RYR2: variants seen among roughly 807,000 people sequenced by gnomAD.
RYR2 encodes the protein cardiac muscle ryanodine receptor-calcium release channel.
A neutral mutation model predicts 601.1 loss-of-function variants in RYR2; 227 were observed. That is an observed-to-expected ratio of 0.38 (90% CI 0.34 to 0.42). The LOEUF is 0.42. Ranked by LOEUF, RYR2 falls within the 10% of genes least tolerant of loss-of-function variation. RYR2 has a pLI of 1.00. For missense variants in RYR2, 4,646 were observed against 6,156.5 expected (o/e 0.75, Z 8.21); for synonymous variants, 2,223 against 2,175.1 (o/e 1.02, Z -0.61).
intron 98 of RYR2, among the ~76,000 whole-genome samples, chr1:237,805,580 CAAAAAAAAAA>C (rs772404939): frequency 2.7e-5 from 1 of 37,684 alleles, no homozygotes; most frequent in Non-Finnish European, 5.3e-5. Context: ...GACTCTGTCT[CAAAAAAAAAA>C]AAAAAAAAAA....
intron 1 of RYR2, among the ~76,000 whole-genome samples, chr1:237,262,603 A>T (rs1176397861): frequency 1.3e-5 from 2 of 152,144 alleles, no homozygotes; most frequent in African/African-American, 4.8e-5. Flanking sequence ...TCAATTCAAC[A>T]TATATTGACT....
At chr1:237,808,753 G>A (rs1431236881) in intron 99 of RYR2, 148 bp from the exon 100 acceptor site, 5 of 614,416 alleles carry the variant, frequency 8.1e-6, no homozygotes, top group Non-Finnish European at 1.4e-5. Flanking sequence ...AGGGGGCTAA[G>A]AAAGGTGAGA....
At chr1:237,377,482 C>A in intron 8 of RYR2, 47 bp downstream of exon 8, 1 of 1,387,724 alleles carries the variant, frequency 7.2e-7, no homozygotes, top group Non-Finnish European at 1.0e-6. Flanking sequence ...TGCTAAATGA[C>A]AAGTCAATAA....
chr1:237,610,783 G>A lies in RYR2; in HGVS notation c.4705G>A (p.Gly1569Arg). The change falls in exon 36 of 105, where the codon GGA (glycine) becomes AGA (arginine). Residue 1569 changes from glycine (G) to arginine (R), a missense_variant. Physicochemically the swap from Gly to Arg is moderately radical, Grantham distance 125. Coordinates refer to ENST00000366574, the MANE Select transcript of RYR2 (RefSeq NM_001035.3). The surrounding 1 kb of genome is among the most constrained non-coding windows in gnomAD (Gnocchi z 4.9). ...CTAGAATGTGATGCCTCTCTCGGCG[G>A]GATTATTCAAGAGTGAGCACAAGAA... ...RIKNVMPLSA[G>R]LFKSEHKNPV... 6.2e-7 allele frequency: 1 copy of A among 1,607,274 alleles called. No homozygotes were observed. The highest frequency in any genetic ancestry group is 8.5e-7 in the Non-Finnish European group (1 of 1,177,152).
intron 63 of RYR2, 101 bp from the exon 64 acceptor site, chr1:237,698,862 CTG>C (rs1195059522): frequency 6.4e-6 from 4 of 622,778 alleles, no homozygotes; most frequent in Non-Finnish European, 1.1e-5. Flanking sequence ...TAAAATATTA[CTG>C]TTGTGTCATT....
intron 44 of RYR2, among the ~76,000 whole-genome samples, chr1:237,636,278 C>T (rs1279192579): frequency 6.6e-6 from 1 of 151,898 alleles, no homozygotes; most frequent in African/African-American, 2.4e-5. Context: ...GTGGTTTTTC[C>T]TCTGTTGTTA....
intron 92 of RYR2, 31 bp from the exon 93 acceptor site, chr1:237,791,398 G>A (rs1184417748): frequency 2.6e-6 from 3 of 1,165,372 alleles, no homozygotes; most frequent in Non-Finnish European, 3.8e-6. Flanking sequence ...TGTTGATTCA[G>A]TGACCTTTTC....
chr1:237,054,954 C>T (rs576452492), intron 1 of RYR2, among the ~76,000 whole-genome samples: 123 of 152,274 alleles, frequency 8.1e-4, no homozygotes, highest in African/African-American at 2.9e-3. Flanking sequence ...GAGCCTCCTA[C>T]TCTAGATGGT....
chr1:237,729,448 C>G (rs1209456436), intron 76 of RYR2, among the ~76,000 whole-genome samples: 1 of 152,104 alleles, frequency 6.6e-6, no homozygotes, highest in African/African-American at 2.4e-5. Flanking sequence ...GCAGTTGCCC[C>G]CTCTGATTTC....
At chr1:237,091,616 G>T (rs1011249391) in intron 1 of RYR2, among the ~76,000 whole-genome samples, 1 of 152,122 alleles carries the variant, frequency 6.6e-6, no homozygotes, top group African/African-American at 2.4e-5. Flanking sequence ...GTAGAGACGG[G>T]GTTTCGCCAT....
chr1:237,208,978 A>ATAT (rs1682208074), intron 1 of RYR2, among the ~76,000 whole-genome samples: 1 of 88,728 alleles, frequency 1.1e-5, no homozygotes, highest in African/African-American at 4.1e-5. Context: ...ATATATATAT[A>ATAT]TATATATGTA....
At chr1:237,738,562 A>G (rs1259059357) in intron 79 of RYR2, among the ~76,000 whole-genome samples, 1 of 152,008 alleles carries the variant, frequency 6.6e-6, no homozygotes, top group East Asian at 1.9e-4. Context: ...TCATATATAT[A>G]TAATTTAAGT....
intron 47 of RYR2, among the ~76,000 whole-genome samples, chr1:237,641,467 GTCTGTCTTTCTTTCTTTCTTTCTT>G (rs61390294): frequency 0.026 from 3,084 of 117,242 alleles, 55 homozygotes; most frequent in African/African-American, 0.04. Context: ...ATTAGTGTCT[GTCTGTCTTTCTTTCTTTCTTTCTT>G]TCTTTCTTTC....
intron 17 of RYR2, among the ~76,000 whole-genome samples, chr1:237,485,642 A>G (rs138720561): frequency 3.9e-5 from 6 of 152,316 alleles, no homozygotes; most frequent in African/African-American, 9.6e-5. Context: ...GCAAGTTCCT[A>G]TAAGTTTCAA....
intron 63 of RYR2, among the ~76,000 whole-genome samples, chr1:237,688,184 T>A (rs1237575625): frequency 6.6e-6 from 1 of 152,240 alleles, no homozygotes; most frequent in African/African-American, 2.4e-5. Flanking sequence ...TGGTGGAATT[T>A]GTGTTTCACA....
intron 42 of RYR2, among the ~76,000 whole-genome samples, chr1:237,632,673 G>A (rs1440666018): frequency 6.6e-6 from 1 of 151,968 alleles, no homozygotes; most frequent in Non-Finnish European, 1.5e-5. Context: ...TGGGATTACA[G>A]GCGTGAGCCA....
At chr1:237,758,228 A>G (rs1693116958) in intron 82 of RYR2, among the ~76,000 whole-genome samples, 1 of 152,190 alleles carries the variant, frequency 6.6e-6, no homozygotes, top group African/African-American at 2.4e-5. Context: ...ACTTAAGAAG[A>G]CCCTCATTAC....
In RYR2 at chr1:237,819,732, T is replaced by C. The variant is rs1662231366; in HGVS notation, c.14590+540T>C. On this transcript the variant is annotated intron_variant, in intron 101 of 104. Transcript: ENST00000366574. The surrounding 1 kb of genome is among the most constrained non-coding windows in gnomAD (Gnocchi z 4.0). ...ACCTGGGAGGCTGAGGCAGGAGAAT[T>C]GCTTGAACCCGGGAGGTGGAGGTTG... is the stretch of plus-strand genomic sequence containing the variant. Among the ~76,000 whole-genome samples, 1 of 151,860 alleles carries C rather than the reference T, an allele frequency of 6.6e-6. No homozygotes were observed. Among genetic ancestry groups the C allele is most frequent in the Admixed American group, 6.6e-5 (1 of 15,264 alleles).
chr1:237,340,428 C>G (rs1697665026), intron 3 of RYR2, among the ~76,000 whole-genome samples: 3 of 152,148 alleles, frequency 2.0e-5, no homozygotes. Flanking sequence ...TATGAATCTG[C>G]TTTCATAGTA....
Sources: gnomAD v4.1 joint callset for allele counts (sites outside exome capture counted in the v4.1 genomes callset) on GRCh38, gnomAD v4.1.1 for gene constraint, Gnocchi (gnomAD v3.1) non-coding constraint, MANE v1.5 for transcripts, NCBI Gene and HGNC (gene_info 2026-07-23, HGNC 2026-07-21) for gene names.